Variants in CADM2 observed in about 807,000 individuals in gnomAD.
The protein encoded by CADM2 is cell adhesion molecule 2.
Under a neutral mutation model 49.8 loss-of-function variants are expected in CADM2, and 12 were observed. The ratio of observed to expected loss-of-function variants is 0.24; its 90% CI spans 0.15 to 0.39. The LOEUF is 0.39. CADM2 is among the 10% of genes least tolerant of loss of function. CADM2 has a pLI of 1.00. For synonymous variants in CADM2, 214 were observed against 175.4 expected, an observed-to-expected ratio of 1.22 and a Z score of -1.74; for missense variants, 378 against 492.3, an observed-to-expected ratio of 0.77 and a Z score of 2.20.
intron 1 of CADM2, among the ~76,000 whole-genome samples, chr3:85,613,948 G>A (rs2063738435): frequency 6.6e-6 from 1 of 151,626 alleles, no homozygotes; most frequent in African/African-American, 2.4e-5. Flanking sequence ...AGTTTTGCAC[G>A]TAATAAATAA....
chr3:85,798,977 G>C (rs954952316), intron 2 of CADM2, among the ~76,000 whole-genome samples: 1 of 151,998 alleles, frequency 6.6e-6, no homozygotes, highest in Non-Finnish European at 1.5e-5. Flanking sequence ...TCTTTGAAGA[G>C]GTCCTTCACA....
intron 1 of CADM2, among the ~76,000 whole-genome samples, chr3:85,447,826 C>T (rs1260011611): frequency 6.6e-6 from 1 of 152,132 alleles, no homozygotes; most frequent in Non-Finnish European, 1.5e-5. Context: ...CTATGCAATT[C>T]TGGCCAATGC....
At chr3:85,450,484 G>C (rs1167917124) in intron 1 of CADM2, among the ~76,000 whole-genome samples, 3 of 151,724 alleles carry the variant, frequency 2.0e-5, no homozygotes, top group African/African-American at 7.3e-5. Flanking sequence ...AACTTTGACA[G>C]TACAGCATAA....
At chr3:85,037,254 A>G (rs1404714495) in intron 1 of CADM2, among the ~76,000 whole-genome samples, 2 of 152,210 alleles carry the variant, frequency 1.3e-5, no homozygotes, top group Non-Finnish European at 2.9e-5. Context: ...TTATAGTGGT[A>G]CATATGAATG....
At chr3:85,812,869 C>A (rs548048842) in intron 3 of CADM2, among the ~76,000 whole-genome samples, 2 of 152,120 alleles carry the variant, frequency 1.3e-5, no homozygotes, top group African/African-American at 4.8e-5. Context: ...TCCCTGCAAA[C>A]AATATGAACT....
At chr3:85,206,468 C>T (rs978170263) in intron 1 of CADM2, among the ~76,000 whole-genome samples, 4 of 151,818 alleles carry the variant, frequency 2.6e-5, no homozygotes, top group African/African-American at 7.3e-5. Context: ...TCACCACGCC[C>T]GGCTAATTTT....
intron 1 of CADM2, among the ~76,000 whole-genome samples, chr3:85,080,934 A>C (rs1378656162): frequency 6.6e-6 from 1 of 152,114 alleles, no homozygotes; most frequent in African/African-American, 2.4e-5. Flanking sequence ...TGTACATTAC[A>C]TATATAGGTC....
intron 1 of CADM2, among the ~76,000 whole-genome samples, chr3:85,413,314 A>C (rs995558762): frequency 2.0e-5 from 3 of 151,982 alleles, no homozygotes. Context: ...TCCTTTGTGC[A>C]TATCACTAAA....
At chr3:85,726,623 T>C in intron 2 of CADM2, 75 bp downstream of exon 2, 1 of 1,172,654 alleles carries the variant, frequency 8.5e-7, no homozygotes, top group Non-Finnish European at 1.3e-6. Context: ...TCTTAAATGA[T>C]AGAACCAATT....
At chr3:85,240,919 CATGATGATCAA>C (rs2042517213) in intron 1 of CADM2, among the ~76,000 whole-genome samples, 1 of 151,404 alleles carries the variant, frequency 6.6e-6, no homozygotes, top group Non-Finnish European at 1.5e-5. Context: ...GCATACAATG[CATGATGATCAA>C]ATCAGGGTAA....
At chr3:85,093,444 G>T (rs540089062) in intron 1 of CADM2, among the ~76,000 whole-genome samples, 8 of 143,280 alleles carry the variant, frequency 5.6e-5, no homozygotes, top group Non-Finnish European at 1.1e-4. Context: ...TTGAACACGG[G>T]AGGTGGAGGT....
chr3:85,174,405 G>A (rs1322259725), intron 1 of CADM2, among the ~76,000 whole-genome samples: 2 of 151,878 alleles, frequency 1.3e-5, no homozygotes, highest in Non-Finnish European at 2.9e-5. Context: ...TGTTTGTAGA[G>A]AGAATGTTTA....
chr3:85,762,617 C>CTCTCTGTCTG (rs1434356897), intron 2 of CADM2, among the ~76,000 whole-genome samples: 49 of 151,590 alleles, frequency 3.2e-4, no homozygotes, highest in African/African-American at 1.1e-3. Flanking sequence ...CTCTCTCTCT[C>CTCTCTGTCTG]TCTCTGTCTC....
intron 3 of CADM2, among the ~76,000 whole-genome samples, chr3:85,814,055 T>A (rs893712591): frequency 6.6e-6 from 1 of 151,656 alleles, no homozygotes; most frequent in Admixed American, 6.6e-5. Context: ...GTTTAAAGAA[T>A]TTTTTTTTCT....
chr3:84,998,557 A>T (rs1364290909), intron 1 of CADM2, among the ~76,000 whole-genome samples: 1 of 152,248 alleles, frequency 6.6e-6, no homozygotes, highest in East Asian at 1.9e-4. Context: ...TATTTTTTTA[A>T]TGTTGTTTAT....
intron 1 of CADM2, among the ~76,000 whole-genome samples, chr3:85,367,151 C>T (rs1016630436): frequency 2.0e-5 from 3 of 151,808 alleles, no homozygotes; most frequent in African/African-American, 7.3e-5. Flanking sequence ...TTCATATACC[C>T]TCTGATGAAA....
intron 1 of CADM2, among the ~76,000 whole-genome samples, chr3:85,071,986 A>G (rs1415946633): frequency 6.6e-6 from 1 of 150,706 alleles, no homozygotes; most frequent in Non-Finnish European, 1.5e-5. Flanking sequence ...ATATATATAT[A>G]TGAAATGGTA....
intron 1 of CADM2, among the ~76,000 whole-genome samples, chr3:85,657,801 G>T (rs2065260417): frequency 8.3e-6 from 1 of 120,612 alleles, no homozygotes. Context: ...GAGTTAAATT[G>T]TGTCCTCTAA....
chr3:85,756,258 G>T (rs771755901), intron 2 of CADM2, among the ~76,000 whole-genome samples: 88 of 151,994 alleles, frequency 5.8e-4, no homozygotes, highest in Admixed American at 1.5e-3. Context: ...GAACGCAAGG[G>T]CTCGAATAAT....
Sources: gnomAD v4.1 joint callset for allele counts (sites outside exome capture counted in the v4.1 genomes callset) on GRCh38, gnomAD v4.1.1 for gene constraint, MANE v1.5 for transcripts, NCBI Gene and HGNC (gene_info 2026-07-23, HGNC 2026-07-21) for gene names.